Variants in PCNT observed in about 807,000 individuals in gnomAD.
PCNT encodes pericentrin, also known as kendrin.
A neutral mutation model predicts 380.4 loss-of-function variants in PCNT; 319 were observed. That is an observed-to-expected ratio of 0.84 (90% confidence interval 0.77 to 0.92). The LOEUF is 0.92. Among genes scored for constraint, PCNT ranks in the 40% least tolerant of loss-of-function variants. The pLI is 0.00. For missense variants in PCNT, 4,400 were observed against 4,255.3 expected, an observed-to-expected ratio of 1.03 and a Z score of -0.95; for synonymous variants, 1,845 against 1,735.2, an observed-to-expected ratio of 1.06 and a Z score of -1.57.
At chr21:46,402,548 C>T (rs2086463532) in intron 27 of PCNT, 65 bp downstream of exon 27, 1 of 1,551,638 alleles carries the variant, frequency 6.4e-7, no homozygotes, top group Non-Finnish European at 8.9e-7. Context: ...CGAGCGGCCA[C>T]CAAGACCCTC....
intron 9 of PCNT, among the ~76,000 whole-genome samples, chr21:46,352,855 A>C (rs1601811989): frequency 6.6e-6 from 1 of 151,818 alleles, no homozygotes; most frequent in South Asian, 2.1e-4. Context: ...TGTGCCCCCC[A>C]CATCCCTGCC....
In PCNT at chr21:46,425,447, G is replaced by A. The variant is rs761207505; in HGVS notation, c.7180-384G>A. Reference sequence around the variant, plus strand: ...GTAGCGTCCCAGGTGGGCAGGGAGTGTGTGATATGTTTGTGATCTCGCTGT... The same window carrying A: ...GTAGCGTCCCAGGTGGGCAGGGAGTATGTGATATGTTTGTGATCTCGCTGT... On this transcript the variant is annotated intron_variant, in intron 32 of 46. Coordinates refer to ENST00000359568, the MANE Select transcript of PCNT (RefSeq NM_006031.6). The surrounding 1 kb of genome is among the most constrained non-coding windows in gnomAD (Gnocchi z 4.2). 1.2e-4 allele frequency among the ~76,000 whole-genome samples: 19 copies of A among 152,234 alleles called. No individual in the cohort carries two copies. The highest frequency in any genetic ancestry group is 2.2e-4 in the Non-Finnish European group (15 of 68,042).
intron 1 of PCNT, among the ~76,000 whole-genome samples, chr21:46,324,612 T>G (rs1255852703): frequency 6.7e-6 from 1 of 149,088 alleles, no homozygotes; most frequent in African/African-American, 2.5e-5. Flanking sequence ...GGGCGGGGTG[T>G]GGCTGCAGGG....
intron 3 of PCNT, among the ~76,000 whole-genome samples, chr21:46,340,858 G>A (rs1484839278): frequency 5.3e-5 from 8 of 151,776 alleles, no homozygotes; most frequent in Non-Finnish European, 1.2e-4. Flanking sequence ...TTTTTTAGTA[G>A]AGACGGGGTT....
At chr21:46,386,672 C>G (rs1379781449) in intron 17 of PCNT, among the ~76,000 whole-genome samples, 1 of 152,228 alleles carries the variant, frequency 6.6e-6, no homozygotes, top group African/African-American at 2.4e-5. Context: ...GCCCTTTTGT[C>G]GCGTGTGGGG....
chr21:46,438,920 C>T (rs779835470), intron 41 of PCNT, among the ~76,000 whole-genome samples: 1 of 152,064 alleles, frequency 6.6e-6, no homozygotes, highest in Non-Finnish European at 1.5e-5. Flanking sequence ...CCGCCCACCT[C>T]AGCCTCCCAA....
At position 46,385,899 on chromosome 21, in the gene PCNT, A is replaced by G. The variant is rs745919788; in HGVS notation, c.3380A>G (p.Gln1127Arg). 7.4e-6 allele frequency: 12 copies of G among 1,614,104 alleles called. No homozygotes were observed. Among genetic ancestry groups the G allele is most frequent in the East Asian group, 6.7e-5 (3 of 44,888 alleles). Residue 1127 changes from glutamine (Q) to arginine (R), a missense_variant, in exon 17 of 47, where the codon CAG becomes CGG. By Grantham distance (43) the Gln-to-Arg change is conservative. Coordinates refer to ENST00000359568, the MANE Select transcript of PCNT (RefSeq NM_006031.6). ...TGCCGCTCCGAGTTGGAGGTGCTGC[A>G]GCAGAGGCGGGAGCGGGAGAACCGG... ...EECRSELEVL[Q>R]QRRERENREG... is the part of the protein sequence containing the mutation.
chr21:46,378,736 G>C (rs922783887), intron 15 of PCNT, among the ~76,000 whole-genome samples: 1 of 152,222 alleles, frequency 6.6e-6, no homozygotes, highest in East Asian at 1.9e-4. Context: ...TGCCCTGAGC[G>C]TTACAGCAAG....
intron 2 of PCNT, among the ~76,000 whole-genome samples, chr21:46,333,480 G>A (rs1157852067): frequency 3.9e-5 from 6 of 151,982 alleles, no homozygotes; most frequent in Admixed American, 1.3e-4. Context: ...GGTGGCATGC[G>A]CCTGTAGTCC....
intron 29 of PCNT, 72 bp downstream of exon 29, chr21:46,413,064 G>A (rs2086848581): frequency 3.2e-6 from 4 of 1,248,122 alleles, no homozygotes; most frequent in Middle Eastern, 2.0e-4. Flanking sequence ...TGTGGGGAGC[G>A]GGGAAGGCAC....
In PCNT at chr21:46,388,483, T is replaced by A. The variant is rs1321740121; in HGVS notation, c.3465-259T>A. Among the ~76,000 whole-genome samples the A allele has an allele frequency of 2.6e-5, 4 of 152,208 alleles. No individual in the cohort carries two copies. Among genetic ancestry groups the A allele is most frequent in the Non-Finnish European group, 5.9e-5 (4 of 68,028 alleles). On this transcript the variant is annotated intron_variant, in intron 17 of 46. Transcript: ENST00000359568. The surrounding 1 kb of genome is among the most constrained non-coding windows in gnomAD (Gnocchi z 4.2). ...TTTGCCGTGTTCCTAATGTGATGCC[T>A]TTTACACATCAGAAATGGCATCAGG... is the stretch of plus-strand genomic sequence containing the variant.
intron 15 of PCNT, among the ~76,000 whole-genome samples, chr21:46,373,576 CA>C (rs1386043523): frequency 6.7e-6 from 1 of 150,008 alleles, no homozygotes; most frequent in African/African-American, 2.5e-5. Context: ...GGACTACAGG[CA>C]TGCGCCACCA....
chr21:46,414,617 T>C (rs1277891756), intron 29 of PCNT, among the ~76,000 whole-genome samples: 4 of 117,494 alleles, frequency 3.4e-5, no homozygotes, highest in Non-Finnish European at 6.9e-5. Flanking sequence ...CTCCTCCTCC[T>C]GGACACACAG....
chr21:46,442,586 C>CGG lies in PCNT; in HGVS notation c.9700+13_9700+14insGG. ...GCCCCTCGCCCAGGTGGGACTCCAG[C>CGG]TGCTGTTGACCGCTGGACTCACAAA... On this transcript the variant is annotated intron_variant, in intron 44 of 46. Coordinates refer to ENST00000359568, the MANE Select transcript of PCNT (RefSeq NM_006031.6). 2 of 1,531,762 alleles carry CGG rather than the reference C, an allele frequency of 1.3e-6. No homozygotes were observed. Among genetic ancestry groups the CGG allele is most frequent in the Non-Finnish European group, 1.8e-6 (2 of 1,104,834 alleles). The allele number at this position is 1,531,762 out of a possible 1,614,324, so 94.9% of individuals were successfully genotyped here. A position where few individuals can be genotyped will look rare whatever the true frequency, so the allele number is the denominator to read the frequency against.
intron 27 of PCNT, 29 bp downstream of exon 27, chr21:46,402,512 C>T (rs368282016): frequency 5.9e-5 from 95 of 1,612,542 alleles, no homozygotes; most frequent in Admixed American, 1.3e-4. Flanking sequence ...ACGTGACGCC[C>T]GAGTTCATGT....
At chr21:46,404,548 T>A (rs1229753915) in intron 27 of PCNT, among the ~76,000 whole-genome samples, 1 of 138,654 alleles carries the variant, frequency 7.2e-6, no homozygotes, top group Non-Finnish European at 1.7e-5. Context: ...CGCCTGCGTC[T>A]CCTGTACGAA....
Position 46,390,800 on chromosome 21 carries a change from C to T in PCNT, c.3971C>T (p.Ala1324Val), listed in dbSNP as rs2147300447. ...TTGAAGGAGGAGAGCGCAGCAAAGGCAGAGCTGGCGCTGGAGCTGCACAAG... is the reference window on the plus strand; with the variant it reads ...TTGAAGGAGGAGAGCGCAGCAAAGGTAGAGCTGGCGCTGGAGCTGCACAAG... ...ECLKEESAAK[A>V]ELALELHKTQ... is the part of the protein sequence containing the mutation. The change falls in exon 20 of 47, where the codon GCA becomes GTA. Residue 1324 changes from alanine to valine, a missense_variant. Physicochemically the swap from Ala to Val is moderately conservative, Grantham distance 64 (BLOSUM62 0). Transcript: ENST00000359568. The T allele has an allele frequency of 6.2e-7, 1 of 1,611,188 alleles. No homozygotes were observed. Among genetic ancestry groups the T allele is most frequent in the South Asian group, 1.1e-5 (1 of 90,792 alleles).
At chr21:46,430,711 T>C in intron 37 of PCNT, 54 bp downstream of exon 37, 1 of 1,550,450 alleles carries the variant, frequency 6.4e-7, no homozygotes, top group Non-Finnish European at 8.7e-7. Flanking sequence ...ACTGGAAGCC[T>C]GAAGCCATGC....
chr21:46,414,447 G>A (rs1458224736), intron 29 of PCNT, among the ~76,000 whole-genome samples: 2 of 55,276 alleles, frequency 3.6e-5, no homozygotes, highest in East Asian at 1.1e-3. Context: ...CCTGGACACA[G>A]TCGCCCACCC....
Sources: gnomAD v4.1 joint callset for allele counts (sites outside exome capture counted in the v4.1 genomes callset) on GRCh38, gnomAD v4.1.1 for gene constraint, Gnocchi (gnomAD v3.1) non-coding constraint, MANE v1.5 for transcripts, NCBI Gene and HGNC (gene_info 2026-07-23, HGNC 2026-07-21) for gene names.